The following IPO11 variants were observed in gnomAD, a reference collection of about 807,000 sequenced individuals.
IPO11 encodes the protein importin-11.
In IPO11, 66 loss-of-function variants were observed where a neutral mutation model predicts 143.2. That is an observed-to-expected ratio of 0.46 (90% CI 0.38 to 0.57). The LOEUF (loss-of-function observed/expected upper bound fraction) is 0.57. Among genes scored for constraint, IPO11 ranks in the 20% least tolerant of loss-of-function variants. IPO11 has a pLI of 0.00. For missense variants in IPO11, 1,026 were observed against 1,141.0 expected, an observed-to-expected ratio of 0.90 and a Z score of 1.45; for synonymous variants, 385 against 377.8, an observed-to-expected ratio of 1.02 and a Z score of -0.22.
At chr5:62,624,963 C>T (rs1399571313) in intron 29 of IPO11, among the ~76,000 whole-genome samples, 2 of 128,370 alleles carry the variant, frequency 1.6e-5, no homozygotes, top group Non-Finnish European at 3.1e-5. Context: ...CCAGCCTGAG[C>T]GACAGAGCGA....
Position 62,518,482 on chromosome 5 carries a change from C to T in IPO11, c.1896+2981C>T, listed in dbSNP as rs146231408. 7.6e-3 allele frequency among the ~76,000 whole-genome samples: 1,143 copies of T among 150,714 alleles called. 14 individuals are homozygous for T. The highest frequency in any genetic ancestry group is 0.025 in the African/African-American group (1,040 of 41,146). On this transcript the variant is annotated intron_variant, in intron 20 of 29. Transcript: ENST00000325324. ...CCCAAAAATTAATTGGGTGTGGTGG[C>T]GCACACTTGTAATCCCAGCTATTTG...
intron 26 of IPO11, among the ~76,000 whole-genome samples, chr5:62,555,649 G>A (rs1203110952): frequency 6.6e-6 from 1 of 151,772 alleles, no homozygotes; most frequent in African/African-American, 2.4e-5. Flanking sequence ...GACTACAGGT[G>A]CCTGCCACCA....
chr5:62,559,093 T>G (rs1343541574), intron 26 of IPO11, among the ~76,000 whole-genome samples: 1 of 152,174 alleles, frequency 6.6e-6, no homozygotes, highest in African/African-American at 2.4e-5. Flanking sequence ...TTTTTGCTGG[T>G]AGATGGTCTT....
intron 10 of IPO11, among the ~76,000 whole-genome samples, chr5:62,483,627 T>C (rs1746292661): frequency 6.6e-6 from 1 of 152,184 alleles, no homozygotes; most frequent in Non-Finnish European, 1.5e-5. Flanking sequence ...AAAGTGTGAT[T>C]GTTTCTAGAC....
At chr5:62,490,064 C>A in intron 14 of IPO11, 51 bp from the exon 15 acceptor site, 1 of 1,040,358 alleles carries the variant, frequency 9.6e-7, no homozygotes, top group Admixed American at 2.5e-5. Context: ...CACTCATTTG[C>A]AGATCTGATA....
intron 29 of IPO11, among the ~76,000 whole-genome samples, chr5:62,613,298 C>CTTTT (rs372608086): frequency 0.028 from 1,891 of 68,696 alleles, 88 homozygotes; most frequent in South Asian, 0.051. Context: ...ACATGCTCTT[C>CTTTT]TTTTTTTTTT....
At chr5:62,545,686 C>T (rs1378728105) in intron 24 of IPO11, among the ~76,000 whole-genome samples, 1 of 152,008 alleles carries the variant, frequency 6.6e-6, no homozygotes, top group East Asian at 1.9e-4. Flanking sequence ...GGGAGAAAAT[C>T]TTTGCAACCT....
intron 1 of IPO11, among the ~76,000 whole-genome samples, chr5:62,435,179 T>TAC (rs77161175): frequency 5.8e-5 from 4 of 68,928 alleles, no homozygotes; most frequent in Admixed American, 2.8e-4. Flanking sequence ...TATGTATATA[T>TAC]GTATATATAT....
chr5:62,414,234 A>G (rs1393429084), intron 1 of IPO11, among the ~76,000 whole-genome samples: 7 of 152,258 alleles, frequency 4.6e-5, no homozygotes, highest in Non-Finnish European at 1.0e-4. Context: ...ATTTGGAATC[A>G]AACCAGAATG....
chr5:62,511,037 A>G (rs1395720498), intron 19 of IPO11, among the ~76,000 whole-genome samples: 1 of 152,090 alleles, frequency 6.6e-6, no homozygotes, highest in Non-Finnish European at 1.5e-5. Flanking sequence ...CCTGGCCTCT[A>G]TGATTGATTT....
rs529467979 is a variant in IPO11, at chr5:62,581,753, G to A, written c.2583-9824G>A. Reference sequence around the variant, plus strand: ...GGATTGTGATATGAAAAAAATAGACGTGGTTCTTATTCTAGGTAGAGCTTG... The same window carrying A: ...GGATTGTGATATGAAAAAAATAGACATGGTTCTTATTCTAGGTAGAGCTTG... On this transcript the variant is annotated intron_variant, in intron 27 of 29. Transcript: ENST00000325324. Among the ~76,000 whole-genome samples the A allele has an allele frequency of 3.3e-5, 5 of 152,216 alleles. No individual in the cohort carries two copies. The East Asian group carries it at 5.8e-4, about 18-fold the overall frequency.
chr5:62,556,201 T>C (rs1743570210), intron 26 of IPO11, among the ~76,000 whole-genome samples: 1 of 152,200 alleles, frequency 6.6e-6, no homozygotes, highest in Non-Finnish European at 1.5e-5. Flanking sequence ...GGCAGGCACC[T>C]GTAATCCCAG....
chr5:62,569,729 G>A (rs1401791160), intron 27 of IPO11, among the ~76,000 whole-genome samples: 1 of 152,186 alleles, frequency 6.6e-6, no homozygotes, highest in Non-Finnish European at 1.5e-5. Flanking sequence ...GGAAAATAGA[G>A]ACATGAATAA....
intron 9 of IPO11, among the ~76,000 whole-genome samples, chr5:62,478,527 T>A (rs1746052196): frequency 6.6e-6 from 1 of 152,206 alleles, no homozygotes; most frequent in Admixed American, 6.5e-5. Flanking sequence ...TACTGATAGC[T>A]TCTTAATATC....
chr5:62,520,279 G>A (rs1464824139), intron 20 of IPO11, among the ~76,000 whole-genome samples: 1 of 152,166 alleles, frequency 6.6e-6, no homozygotes, highest in Non-Finnish European at 1.5e-5. Flanking sequence ...AGTACACTTA[G>A]TTGTCTATGC....
At chr5:62,626,437 G>T (rs754578970) in intron 29 of IPO11, among the ~76,000 whole-genome samples, 1 of 152,076 alleles carries the variant, frequency 6.6e-6, no homozygotes, top group Non-Finnish European at 1.5e-5. Flanking sequence ...CAGTTTTTCC[G>T]GTAACACTCT....
chr5:62,465,958 A>G (rs544730923), intron 5 of IPO11, among the ~76,000 whole-genome samples: 1 of 152,224 alleles, frequency 6.6e-6, no homozygotes, highest in South Asian at 2.1e-4. Flanking sequence ...ATTCTAGACC[A>G]TATAGCTCAG....
At chr5:62,455,289 G>A (rs1184628854) in intron 5 of IPO11, among the ~76,000 whole-genome samples, 1 of 152,160 alleles carries the variant, frequency 6.6e-6, no homozygotes, top group African/African-American at 2.4e-5. Context: ...GGAGGCCGTG[G>A]TGGGCAGATC....
chr5:62,586,750 T>TC (rs1375467096), intron 27 of IPO11, among the ~76,000 whole-genome samples: 3 of 38,012 alleles, frequency 7.9e-5, no homozygotes, highest in African/African-American at 2.8e-4. Context: ...AAACTCAGTC[T>TC]CCAAAAAAAA....
Sources: allele counts gnomAD v4.1 joint callset (sites outside exome capture counted in the v4.1 genomes callset), GRCh38; gene constraint gnomAD v4.1.1; transcripts MANE v1.5; gene names NCBI Gene and HGNC (gene_info 2026-07-23, HGNC 2026-07-21).